Variants in FHIT observed in about 807,000 individuals in gnomAD.
FHIT encodes the protein fragile histidine triad diadenosine triphosphatase.
Under a neutral mutation model 17.9 loss-of-function variants are expected in FHIT, and 19 were observed. That is an observed-to-expected ratio of 1.06 (90% CI 0.74 to 1.56). FHIT has a LOEUF of 1.56. Among genes scored for constraint, FHIT ranks in the 40% most tolerant of loss-of-function variants. The pLI, the probability that FHIT is intolerant of heterozygous loss-of-function variation, is 0.00. For missense variants in FHIT, 248 were observed against 189.2 expected, an observed-to-expected ratio of 1.31 and a Z score of -1.82; for synonymous variants, 81 against 69.7, an observed-to-expected ratio of 1.16 and a Z score of -0.81.
intron 2 of FHIT, among the ~76,000 whole-genome samples, chr3:61,164,282 G>A (rs889374734): frequency 2.0e-5 from 3 of 152,144 alleles, no homozygotes; most frequent in Non-Finnish European, 2.9e-5. Context: ...CAAAGGCAAA[G>A]CACAAAAAGC....
At chr3:61,172,022 A>AT (rs1263863430) in intron 2 of FHIT, among the ~76,000 whole-genome samples, 1 of 152,160 alleles carries the variant, frequency 6.6e-6, no homozygotes, top group East Asian at 1.9e-4. Flanking sequence ...AAGTTGCTGC[A>AT]TTTTTTGCCT....
chr3:60,941,497 G>C (rs1036876684), intron 3 of FHIT, among the ~76,000 whole-genome samples: 2 of 152,106 alleles, frequency 1.3e-5, no homozygotes, highest in Non-Finnish European at 2.9e-5. Flanking sequence ...GGATGGATAC[G>C]GAGGTCCCCT....
chr3:61,234,925 T>C (rs1258595770), intron 1 of FHIT, among the ~76,000 whole-genome samples: 1 of 152,260 alleles, frequency 6.6e-6, no homozygotes, highest in East Asian at 1.9e-4. Flanking sequence ...ATTTGCATTG[T>C]ATAAATGCAG....
intron 4 of FHIT, among the ~76,000 whole-genome samples, chr3:60,597,531 A>G (rs1467001953): frequency 6.6e-6 from 1 of 152,122 alleles, no homozygotes; most frequent in Non-Finnish European, 1.5e-5. Context: ...GTAAGAAAAT[A>G]ATCACCATGC....
At chr3:60,338,707 C>A (rs887742799) in intron 5 of FHIT, among the ~76,000 whole-genome samples, 1 of 152,168 alleles carries the variant, frequency 6.6e-6, no homozygotes, top group Non-Finnish European at 1.5e-5. Flanking sequence ...CATATCTGAA[C>A]AGCACCAGTG....
chr3:60,476,769 T>C (rs2033365819), intron 5 of FHIT, among the ~76,000 whole-genome samples: 1 of 152,024 alleles, frequency 6.6e-6, no homozygotes. Context: ...AGAACGGGAA[T>C]GTGAAAACTC....
At chr3:60,978,453 C>G (rs1157551306) in intron 3 of FHIT, among the ~76,000 whole-genome samples, 1 of 152,186 alleles carries the variant, frequency 6.6e-6, no homozygotes, top group African/African-American at 2.4e-5. Flanking sequence ...GGGCCTTTTT[C>G]TTTACAGGTA....
intron 5 of FHIT, among the ~76,000 whole-genome samples, chr3:60,279,000 C>T (rs1465448667): frequency 1.3e-5 from 2 of 151,786 alleles, no homozygotes; most frequent in Non-Finnish European, 2.9e-5. Context: ...ACAATTTAAA[C>T]CTAAAGCAAT....
At chr3:60,516,065 G>C (rs113121815) in intron 5 of FHIT, among the ~76,000 whole-genome samples, 3 of 152,114 alleles carry the variant, frequency 2.0e-5, no homozygotes, top group African/African-American at 4.8e-5. Flanking sequence ...CAAAGGAGTG[G>C]GGAAACATAC....
At chr3:61,133,236 T>A (rs537310051) in intron 2 of FHIT, among the ~76,000 whole-genome samples, 18 of 152,326 alleles carry the variant, frequency 1.2e-4, no homozygotes, top group African/African-American at 4.1e-4. Flanking sequence ...CTGTAATAAA[T>A]AAAATTAATC....
chr3:59,762,959 T>C (rs1245443319), intron 8 of FHIT, among the ~76,000 whole-genome samples: 1 of 152,192 alleles, frequency 6.6e-6, no homozygotes, highest in Non-Finnish European at 1.5e-5. Flanking sequence ...AAAAGGAGGT[T>C]TGTGATGAAG....
intron 5 of FHIT, among the ~76,000 whole-genome samples, chr3:60,351,229 T>A (rs61667611): frequency 0.15 from 23,006 of 152,258 alleles, 1,833 homozygotes; most frequent in African/African-American, 0.16. Context: ...CCCTTAATGT[T>A]AATTAACTGT....
At chr3:59,792,196 G>T (rs1005442890) in intron 8 of FHIT, among the ~76,000 whole-genome samples, 1 of 152,150 alleles carries the variant, frequency 6.6e-6, no homozygotes, top group African/African-American at 2.4e-5. Context: ...ACCCCATGGA[G>T]GGTTTTGGGC....
chr3:60,385,048 C>A (rs1158204584), intron 5 of FHIT, among the ~76,000 whole-genome samples: 1 of 152,114 alleles, frequency 6.6e-6, no homozygotes, highest in African/African-American at 2.4e-5. Context: ...GCTAACACAA[C>A]AGACTTTTGT....
intron 4 of FHIT, among the ~76,000 whole-genome samples, chr3:60,770,862 T>C (rs1329488533): frequency 6.6e-6 from 1 of 152,230 alleles, no homozygotes; most frequent in Non-Finnish European, 1.5e-5. Flanking sequence ...CTTTAATAAA[T>C]TCCTTCTCTA....
At chr3:60,497,991 G>A (rs1003596248) in intron 5 of FHIT, among the ~76,000 whole-genome samples, 1 of 152,126 alleles carries the variant, frequency 6.6e-6, no homozygotes, top group Non-Finnish European at 1.5e-5. Flanking sequence ...GGGCTTTGCA[G>A]GCCATATGGT....
chr3:59,934,686 AT>A (rs1450667831), intron 7 of FHIT, among the ~76,000 whole-genome samples: 6 of 152,174 alleles, frequency 3.9e-5, no homozygotes, highest in Admixed American at 6.5e-5. Flanking sequence ...ACTTACAATC[AT>A]GGCAGAAGGG....
At chr3:61,191,357 C>T (rs902884123) in intron 2 of FHIT, among the ~76,000 whole-genome samples, 44 of 152,176 alleles carry the variant, frequency 2.9e-4, no homozygotes, top group African/African-American at 2.6e-4. Flanking sequence ...TCATCTTTGC[C>T]GGCCCTCAGA....
At chr3:60,542,541 G>A (rs1422158435) in intron 4 of FHIT, among the ~76,000 whole-genome samples, 1 of 152,152 alleles carries the variant, frequency 6.6e-6, no homozygotes, top group Non-Finnish European at 1.5e-5. Context: ...ATAGTGTGAT[G>A]TGTGTGTATA....
Sources: gnomAD v4.1 joint callset for allele counts (sites outside exome capture counted in the v4.1 genomes callset) on GRCh38, gnomAD v4.1.1 for gene constraint, MANE v1.5 for transcripts, NCBI Gene and HGNC (gene_info 2026-07-23, HGNC 2026-07-21) for gene names.